Variants in FBXO42 observed in about 807,000 individuals in gnomAD.
The protein encoded by FBXO42 is F-box protein 42.
In FBXO42, 12 loss-of-function variants were observed where a neutral mutation model predicts 71.7. That is an observed-to-expected ratio of 0.17 (90% CI 0.11 to 0.27). The LOEUF (loss-of-function observed/expected upper bound fraction) is 0.27, where lower values mean the gene tolerates loss of function less well. Among genes scored for constraint, FBXO42 ranks in the 10% least tolerant of loss-of-function variants. FBXO42 has a pLI of 1.00. For missense variants in FBXO42, 707 were observed against 911.9 expected (o/e 0.78, Z 2.89); for synonymous variants, 325 against 327.5 (o/e 0.99, Z 0.08).
In FBXO42 at chr1:16,250,578, T is replaced by A. The variant is rs1476209741; in HGVS notation, c.*92A>T. On this transcript the variant is annotated 3_prime_UTR_variant, in exon 10 of 10. Coordinates refer to ENST00000375592, the MANE Select transcript of FBXO42 (RefSeq NM_018994.3). The surrounding 1 kb of genome is among the most constrained non-coding windows in gnomAD (Gnocchi z 4.7). ...ATTAAAGAGTTTTGGCTTCTGGGAGTAATTTTGTTTTCCCAATTCTCAGTC... is the reference window on the plus strand; with the variant it reads ...ATTAAAGAGTTTTGGCTTCTGGGAGAAATTTTGTTTTCCCAATTCTCAGTC... 2 of 1,442,946 alleles carry A rather than the reference T, an allele frequency of 1.4e-6. No homozygotes were observed. The highest frequency in any genetic ancestry group is 2.8e-5 in the African/African-American group (2 of 70,186). 89.4% of individuals were successfully genotyped at this position (1,442,946 alleles called of 1,614,324 possible). A position where few individuals can be genotyped will look rare whatever the true frequency, so the allele number is the denominator to read the frequency against.
intron 4 of FBXO42, among the ~76,000 whole-genome samples, chr1:16,283,318 T>C (rs2081983855): frequency 6.6e-6 from 1 of 151,986 alleles, no homozygotes; most frequent in Non-Finnish European, 1.5e-5. Flanking sequence ...CACCTGGAAT[T>C]GCATGTGTGA....
chr1:16,316,683 C>T (rs895784610), intron 1 of FBXO42, among the ~76,000 whole-genome samples: 6 of 131,754 alleles, frequency 4.6e-5, no homozygotes, highest in African/African-American at 1.2e-4. Flanking sequence ...TGCAGTGAGT[C>T]GAGATCATGC....
At chr1:16,256,806 C>T (rs2081651070) in intron 4 of FBXO42, 47 bp from the exon 5 acceptor site, 2 of 1,601,874 alleles carry the variant, frequency 1.2e-6, no homozygotes, top group Middle Eastern at 1.7e-4. Context: ...GATCTCACAA[C>T]AATCCGTAGT....
chr1:16,313,970 A>G (rs1463183346), intron 2 of FBXO42, among the ~76,000 whole-genome samples: 1 of 152,114 alleles, frequency 6.6e-6, no homozygotes, highest in Non-Finnish European at 1.5e-5. Context: ...GGATGAAAAA[A>G]AGGACCAGAG....
At chr1:16,309,553 T>C (rs376204385) in intron 2 of FBXO42, among the ~76,000 whole-genome samples, 3 of 152,128 alleles carry the variant, frequency 2.0e-5, no homozygotes, top group African/African-American at 7.2e-5. Context: ...CTAGAAGACC[T>C]TGACTTTGGG....
At chr1:16,330,150 T>C (rs759872444) in intron 1 of FBXO42, among the ~76,000 whole-genome samples, 9 of 152,342 alleles carry the variant, frequency 5.9e-5, no homozygotes, top group Non-Finnish European at 1.3e-4. Context: ...AGTAATTTCA[T>C]TCCTGCATAC....
intron 4 of FBXO42, among the ~76,000 whole-genome samples, chr1:16,284,876 G>A (rs1306829084): frequency 2.6e-5 from 4 of 152,198 alleles, no homozygotes; most frequent in South Asian, 2.1e-4. Flanking sequence ...GCTGAGGCGG[G>A]AGAATCGCTT....
chr1:16,283,494 G>GTTTT (rs386366300), intron 4 of FBXO42, among the ~76,000 whole-genome samples: 8,842 of 80,708 alleles, frequency 0.11, 1,036 homozygotes, highest in Non-Finnish European at 0.13. Flanking sequence ...ACTGTGGCAA[G>GTTTT]TTTTTTTTTT....
chr1:16,326,038 G>GTGTGTGTGTGTGTGTCTGTGTGTGTGTC (rs1441951943), intron 1 of FBXO42, among the ~76,000 whole-genome samples: 1 of 146,862 alleles, frequency 6.8e-6, no homozygotes, highest in Non-Finnish European at 1.5e-5. Flanking sequence ...GTGTGTGTGT[G>GTGTGTGTGTGTGTGTCTGTGTGTGTGTC]TGTGTGTGTG....
chr1:16,282,970 G>C lies in FBXO42; in HGVS notation c.502+11813C>G, dbSNP rs534144411. Among the ~76,000 whole-genome samples the C allele has an allele frequency of 2.3e-4, 33 of 146,546 alleles. No homozygotes were observed. The South Asian group carries it at 6.8e-3, about 30-fold the overall frequency. ...CAGGCCAGCCTGGGTGACAGAGTGA[G>C]ACTCCGTCTCAAAAAAAAAAAAAAA... On this transcript the variant is annotated intron_variant, in intron 4 of 9. Transcript: ENST00000375592.
intron 4 of FBXO42, among the ~76,000 whole-genome samples, chr1:16,265,899 A>G (rs1446309863): frequency 2.0e-5 from 3 of 152,204 alleles, no homozygotes. Flanking sequence ...GTCTTAGGCA[A>G]TAATAGCCAA....
intron 6 of FBXO42, among the ~76,000 whole-genome samples, chr1:16,254,409 T>C (rs2081619267): frequency 6.6e-6 from 1 of 152,168 alleles, no homozygotes; most frequent in Admixed American, 6.5e-5. Flanking sequence ...CAAAAAGTAA[T>C]TGCACAATGA....
At chr1:16,316,329 ATC>A (rs1260532334) in intron 1 of FBXO42, among the ~76,000 whole-genome samples, 5 of 152,082 alleles carry the variant, frequency 3.3e-5, no homozygotes, top group African/African-American at 1.2e-4. Flanking sequence ...GCCACAAAAT[ATC>A]TCTTTTGTTA....
Position 16,255,694 on chromosome 1 carries a change from A to T in FBXO42, c.767+17T>A, listed in dbSNP as rs1388288732. 4.4e-6 allele frequency: 7 copies of T among 1,603,546 alleles called. No individual in the cohort carries two copies. Among genetic ancestry groups the T allele is most frequent in the Non-Finnish European group, 6.0e-6 (7 of 1,171,376 alleles). On this transcript the variant is annotated intron_variant, in intron 6 of 9. Coordinates refer to ENST00000375592, the MANE Select transcript of FBXO42 (RefSeq NM_018994.3). ...ATTTACCTTCAGGCTCATATGGAGC[A>T]AACCAAATGTACTTACATTTGCCGG...
intron 4 of FBXO42, among the ~76,000 whole-genome samples, chr1:16,274,139 A>G (rs990113754): frequency 6.6e-6 from 1 of 151,430 alleles, no homozygotes; most frequent in Non-Finnish European, 1.5e-5. Flanking sequence ...GCAGTACCCC[A>G]TCTCTACAAA....
rs767490476 is a variant in FBXO42 at position 16,251,107 on chromosome 1, C to A, written c.1717G>T (p.Ala573Ser). The A allele has an allele frequency of 1.9e-6, 3 of 1,614,150 alleles. No homozygotes were observed. The highest frequency in any genetic ancestry group is 2.5e-6 in the Non-Finnish European group (3 of 1,180,040). ...IKAMSSKGPSASAALSPPLGS... is the reference protein window; with the variant it reads ...IKAMSSKGPSSSAALSPPLGS... The stretch of plus-strand genomic sequence containing the variant: ...AGAGGAGGACTTAGTGCTGCAGAGG[C>A]CGAGGGGCCTTTGGAGGACATCGCT... The change falls in exon 10 of 10, where the codon GCC (alanine) becomes TCC (serine). Residue 573 changes from alanine (A) to serine (S), a missense_variant. Ala to Ser is a moderately conservative substitution (Grantham distance 99). This residue lies in a region of FBXO42 where 482 missense variants were observed against 587.1 expected (regional missense o/e 0.82). Coordinates refer to ENST00000375592, the MANE Select transcript of FBXO42 (RefSeq NM_018994.3). This position sits in a 1 kb window ranked among gnomAD's most constrained non-coding sequence, Gnocchi z 4.5.
At chr1:16,269,061 G>A (rs914972077) in intron 4 of FBXO42, among the ~76,000 whole-genome samples, 1 of 147,520 alleles carries the variant, frequency 6.8e-6, no homozygotes, top group African/African-American at 2.5e-5. Context: ...CACCCACCTC[G>A]GCCTTCCAAA....
chr1:16,326,927 C>T (rs1416651187), intron 1 of FBXO42, among the ~76,000 whole-genome samples: 2 of 152,084 alleles, frequency 1.3e-5, no homozygotes, highest in Non-Finnish European at 2.9e-5. Context: ...TACTATGAAC[C>T]ATTTAATCTT....
intron 2 of FBXO42, among the ~76,000 whole-genome samples, chr1:16,311,511 T>TATATAC (rs1230222261): frequency 1.4e-5 from 2 of 140,100 alleles, no homozygotes; most frequent in Admixed American, 1.5e-4. Flanking sequence ...AAAATATATA[T>TATATAC]ATATATATAT....
Sources: allele counts gnomAD v4.1 joint callset (sites outside exome capture counted in the v4.1 genomes callset), GRCh38; gene constraint gnomAD v4.1.1; regional missense constraint gnomAD v4.1.1; non-coding constraint Gnocchi (gnomAD v3.1); transcripts MANE v1.5; gene names NCBI Gene and HGNC (gene_info 2026-07-23, HGNC 2026-07-21).